DSG4: variants seen among roughly 807,000 people sequenced by gnomAD.
DSG4 encodes the protein desmoglein-4.
Under a neutral mutation model 93.1 loss-of-function variants are expected in DSG4, and 87 were observed. That is an observed-to-expected ratio of 0.93 (90% CI 0.79 to 1.12). The LOEUF (loss-of-function observed/expected upper bound fraction) is 1.12. Among genes scored for constraint, DSG4 ranks in the 50% most tolerant of loss-of-function variants. The probability of loss-of-function intolerance (pLI) is 0.00; values close to 1 mark genes in which losing one functional copy is unlikely to be tolerated. For synonymous variants in DSG4, 432 were observed against 452.9 expected (o/e 0.95, Z 0.59); for missense variants, 1,373 against 1,285.7 (o/e 1.07, Z -1.04).
intron 2 of DSG4, among the ~76,000 whole-genome samples, chr18:31,385,489 A>C (rs2144166941): frequency 6.6e-6 from 1 of 152,306 alleles, no homozygotes; most frequent in African/African-American, 2.4e-5. Flanking sequence ...GAGACTGTTT[A>C]GACACATTAG....
chr18:31,403,581 T>C lies in DSG4; in HGVS notation c.1583T>C (p.Val528Ala), dbSNP rs1468161213. 1.2e-6 allele frequency: 2 copies of C among 1,614,092 alleles called. No homozygotes were observed. Among genetic ancestry groups the C allele is most frequent in the East Asian group, 2.2e-5 (1 of 44,874 alleles). ...TATGGGTCTCCGTTTACTTTCTGTG[T>C]TGTTGATGAGCCACCAGGAATAGCT... ...HSYGSPFTFC[V>A]VDEPPGIADM... Residue 528 changes from valine to alanine, a missense_variant, in exon 11 of 16, where the codon GTT (valine) becomes GCT (alanine). Physicochemically the swap from Val to Ala is moderately conservative, Grantham distance 64. Transcript: ENST00000308128.
intron 14 of DSG4, among the ~76,000 whole-genome samples, chr18:31,410,266 T>C (rs1485505629): frequency 1.3e-5 from 2 of 152,070 alleles, no homozygotes; most frequent in African/African-American, 2.4e-5. Context: ...AGTTTCCTTA[T>C]CTTTAAAATT....
rs542181984 is a variant in DSG4, at chr18:31,411,554, C to T, written c.2355+106C>T. On this transcript the variant is annotated intron_variant, in intron 15 of 15. Coordinates refer to ENST00000308128, the MANE Select transcript of DSG4 (RefSeq NM_177986.5). ...CTCTTCGGAAATATGCTGTTATTCT[C>T]AACCCTATCCCAAACCTGAATAAAA... 3.6e-4 allele frequency: 460 copies of T among 1,295,578 alleles called. 6 individuals carry two copies. In the South Asian group the frequency reaches 5.4e-3, roughly 15 times the overall value. 80.3% of individuals were successfully genotyped at this position (1,295,578 alleles called of 1,614,324 possible).
chr18:31,395,812 A>G lies in DSG4; in HGVS notation c.1006-3460A>G, dbSNP rs571471240. Among the ~76,000 whole-genome samples, 18 of 152,256 alleles carry G rather than the reference A, an allele frequency of 1.2e-4. No homozygotes were observed. The East Asian group carries it at 3.3e-3, about 28-fold the overall frequency. On this transcript the variant is annotated intron_variant, in intron 8 of 15. Coordinates refer to ENST00000308128, the MANE Select transcript of DSG4 (RefSeq NM_177986.5). ...GTCCAGGAGTTCGAGACCAGCCTGGACAACGGGGTGAAACCAAGTCTCTAG... is the reference window on the plus strand; with the variant it reads ...GTCCAGGAGTTCGAGACCAGCCTGGGCAACGGGGTGAAACCAAGTCTCTAG...
rs538428134 is a variant in DSG4, at chr18:31,395,816, C to T, written c.1006-3456C>T. Among the ~76,000 whole-genome samples the T allele has an allele frequency of 1.2e-4, 19 of 152,208 alleles. 1 individual carries two copies. The South Asian group carries it at 2.5e-3, about 20-fold the overall frequency. On this transcript the variant is annotated intron_variant, in intron 8 of 15. Coordinates refer to ENST00000308128, the MANE Select transcript of DSG4 (RefSeq NM_177986.5). ...AGGAGTTCGAGACCAGCCTGGACAACGGGGTGAAACCAAGTCTCTAGCGAA... is the reference window on the plus strand; with the variant it reads ...AGGAGTTCGAGACCAGCCTGGACAATGGGGTGAAACCAAGTCTCTAGCGAA...
chr18:31,405,383 T>C (rs1446791824), intron 11 of DSG4, among the ~76,000 whole-genome samples: 1 of 152,166 alleles, frequency 6.6e-6, no homozygotes, highest in Non-Finnish European at 1.5e-5. Context: ...ACTGTAATCC[T>C]AAATAGAAGA....
Position 31,385,118 on chromosome 18 carries a change from T to A in DSG4, c.49-18T>A. ...ATTATGCAAATTTATGCTAATGTGG[T>A]ATCTTCTATCAAAACAGGTGGTGAT... On this transcript the variant is annotated intron_variant, in intron 1 of 15. Transcript: ENST00000308128. 3 of 1,598,748 alleles carry A rather than the reference T, an allele frequency of 1.9e-6. No homozygotes were observed. The highest frequency in any genetic ancestry group is 1.7e-6 in the Non-Finnish European group (2 of 1,168,484).
chr18:31,382,962 A>G (rs1428016417), intron 1 of DSG4, among the ~76,000 whole-genome samples: 1 of 152,220 alleles, frequency 6.6e-6, no homozygotes, highest in Admixed American at 6.5e-5. Flanking sequence ...AAAGGATAAG[A>G]CCAAGGTAAA....
At chr18:31,381,432 G>T (rs1247592499) in intron 1 of DSG4, among the ~76,000 whole-genome samples, 1 of 152,078 alleles carries the variant, frequency 6.6e-6, no homozygotes, top group African/African-American at 2.4e-5. Context: ...TCACAACTGG[G>T]ACAGTCAGGA....
chr18:31,390,263 A>G (rs910584907), intron 5 of DSG4, among the ~76,000 whole-genome samples: 7 of 152,146 alleles, frequency 4.6e-5, no homozygotes, highest in African/African-American at 1.7e-4. Context: ...GCATTTAATT[A>G]AACTATAATT....
In DSG4 at chr18:31,411,249, A is replaced by G. The variant is rs1257135150; in HGVS notation, c.2156A>G (p.Tyr719Cys). 28 of 1,613,708 alleles carry G rather than the reference A, an allele frequency of 1.7e-5. No individual in the cohort carries two copies. The highest frequency in any genetic ancestry group is 2.4e-5 in the Non-Finnish European group (28 of 1,180,010). ...MDSSEIYTNT[Y>C]AAGGTVEGGV... ...TTTTCAGAAATCTACACCAACACCT[A>G]TGCAGCCGGGGGCACGGTGGAAGGA... Residue 719 changes from tyrosine (Y) to cysteine (C), a missense_variant, in exon 15 of 16, where the codon TAT becomes TGT. Transcript: ENST00000308128.
chr18:31,408,046 T>A (rs1186194700), intron 12 of DSG4, among the ~76,000 whole-genome samples: 2 of 152,166 alleles, frequency 1.3e-5, no homozygotes, highest in South Asian at 2.1e-4. Flanking sequence ...GCATGAGAGT[T>A]GTTCAACTGA....
intron 3 of DSG4, among the ~76,000 whole-genome samples, chr18:31,387,303 T>C (rs1042888718): frequency 1.3e-5 from 2 of 152,140 alleles, no homozygotes; most frequent in Non-Finnish European, 2.9e-5. Flanking sequence ...AGTTAAAGAA[T>C]GTGTAATAAA....
In DSG4 at chr18:31,386,828, T is replaced by C; in HGVS notation, c.216+9T>C. 6.2e-7 allele frequency: 1 copy of C among 1,612,924 alleles called. No individual in the cohort carries two copies. Among genetic ancestry groups the C allele is most frequent in the South Asian group, 1.1e-5 (1 of 91,064 alleles). ...GGAACCCCATTGCCAAAGTAAGTGATGAAGCAATCTGATGACAAATGCTTT... is the reference window on the plus strand; with the variant it reads ...GGAACCCCATTGCCAAAGTAAGTGACGAAGCAATCTGATGACAAATGCTTT... On this transcript the variant is annotated intron_variant, in intron 3 of 15. Transcript: ENST00000308128.
In DSG4 at chr18:31,406,164, C is replaced by T; in HGVS notation, c.1724C>T (p.Ala575Val). The T allele has an allele frequency of 6.2e-7, 1 of 1,614,128 alleles. No homozygotes were observed. Among genetic ancestry groups the T allele is most frequent in the African/African-American group, 1.3e-5 (1 of 75,018 alleles). Residue 575 changes from alanine to valine, a missense_variant, in exon 12 of 16, where the codon GCA becomes GTA. Coordinates refer to ENST00000308128, the MANE Select transcript of DSG4 (RefSeq NM_177986.5). Reference protein sequence around the residue: ...PILVKDSYNRACELAQMVQLY... With the variant: ...PILVKDSYNRVCELAQMVQLY... ...CTGGTGAAGGACAGCTATAACAGAG[C>T]ATGTGAATTGGCACAAATGGTGCAG...
At chr18:31,404,860 A>G (rs962853041) in intron 11 of DSG4, among the ~76,000 whole-genome samples, 6 of 152,190 alleles carry the variant, frequency 3.9e-5, no homozygotes, top group African/African-American at 1.4e-4. Flanking sequence ...TTCGGATCCT[A>G]GATATTATGA....
chr18:31,410,457 C>T lies in DSG4; in HGVS notation c.2137+649C>T, dbSNP rs7227520. Among the ~76,000 whole-genome samples the T allele has an allele frequency of 9.6e-3, 1,457 of 151,242 alleles. 27 individuals carry two copies. Among genetic ancestry groups the T allele is most frequent in the African/African-American group, 0.033 (1,364 of 41,158 alleles). On this transcript the variant is annotated intron_variant, in intron 14 of 15. Coordinates refer to ENST00000308128, the MANE Select transcript of DSG4 (RefSeq NM_177986.5). Reference sequence around the variant, plus strand: ...TATAAGTGTGTATATATACATATATCACAAAATATACGTTAGAGTAGTGCC... The same window carrying T: ...TATAAGTGTGTATATATACATATATTACAAAATATACGTTAGAGTAGTGCC...
chr18:31,386,565 T>A, intron 2 of DSG4, 123 bp from the exon 3 acceptor site: 1 of 1,439,656 alleles, frequency 6.9e-7, no homozygotes, highest in Non-Finnish European at 9.6e-7. Context: ...GGTGAAAACA[T>A]TCTCTGTTCT....
Position 31,409,493 on chromosome 18 carries a change from C to G in DSG4, c.1975C>G (p.Gln659Glu), listed in dbSNP as rs770123708. 12 of 1,614,044 alleles carry G rather than the reference C, an allele frequency of 7.4e-6. No individual in the cohort carries two copies. Among genetic ancestry groups the G allele is most frequent in the Non-Finnish European group, 1.0e-5 (12 of 1,180,046 alleles). ...GCTCCTGTGTTGCTGCAAACAGAGA[C>G]AGCCAGAAGGCCTGGGAACAAGATT... is the stretch of plus-strand genomic sequence containing the variant. ...LLLLCCCKQR[Q>E]PEGLGTRFAP... The change falls in exon 13 of 16, where the codon CAG becomes GAG. Residue 659 changes from glutamine to glutamate, a missense_variant. Transcript: ENST00000308128.
Sources: gnomAD v4.1 joint callset for allele counts (sites outside exome capture counted in the v4.1 genomes callset) on GRCh38, gnomAD v4.1.1 for gene constraint, MANE v1.5 for transcripts, NCBI Gene and HGNC (gene_info 2026-07-23, HGNC 2026-07-21) for gene names.